ZNF623: variants seen among roughly 807,000 people sequenced by gnomAD.
ZNF623 encodes zinc finger protein 623.
Under a neutral mutation model 24.0 loss-of-function variants are expected in ZNF623, and 16 were observed. The ratio of observed to expected loss-of-function variants is 0.67; its 90% CI spans 0.45 to 1.01. The LOEUF is 1.01. ZNF623 is among the 50% of genes least tolerant of loss of function. The pLI, the probability that ZNF623 is intolerant of heterozygous loss-of-function variation, is 0.00. For missense variants in ZNF623, 566 were observed against 606.5 expected, an observed-to-expected ratio of 0.93 and a Z score of 0.70; for synonymous variants, 224 against 219.8, an observed-to-expected ratio of 1.02 and a Z score of -0.17.
At chr8:143,645,244 C>T (rs1241639536) in intron 1 of ZNF623, among the ~76,000 whole-genome samples, 2 of 152,124 alleles carry the variant, frequency 1.3e-5, no homozygotes, top group East Asian at 1.9e-4. Flanking sequence ...GAGATCGAGA[C>T]CATCCTGGCT....
At chr8:143,649,563 GTTT>G (rs1815246474) in intron 1 of ZNF623, 6 of 367,344 alleles carry the variant, frequency 1.6e-5, no homozygotes, top group Non-Finnish European at 3.0e-5. Flanking sequence ...TTATACGTTT[GTTT>G]AAAGTATCTG....
chr8:143,649,328 A>G (rs1469918651), intron 1 of ZNF623, among the ~76,000 whole-genome samples: 1 of 151,980 alleles, frequency 6.6e-6, no homozygotes, highest in Admixed American at 6.6e-5. Flanking sequence ...TGCAGGCACA[A>G]ATCAAAACAC....
rs1463758300 is a variant in ZNF623, at chr8:143,652,001, G to C, written c.*518G>C. 1.2e-5 allele frequency: 2 copies of C among 168,228 alleles called. No homozygotes were observed. Among genetic ancestry groups the C allele is most frequent in the East Asian group, 3.8e-4 (2 of 5,200 alleles). The allele number at this position is 168,228 out of a possible 1,614,324, so 10.4% of individuals were successfully genotyped here. ...CCTGGAGCCCTGCCTCCCACTGCCT[G>C]ACTTCCTGCCACACGGTTAATGCTG... On this transcript the variant is annotated 3_prime_UTR_variant, in exon 2 of 2. Coordinates refer to ENST00000526926, the MANE Select transcript of ZNF623 (RefSeq NM_001261843.2).
intron 1 of ZNF623, among the ~76,000 whole-genome samples, chr8:143,642,106 C>G (rs1352237153): frequency 6.6e-6 from 1 of 152,194 alleles, no homozygotes; most frequent in Non-Finnish European, 1.5e-5. Flanking sequence ...CACTGAAAAT[C>G]TTTTTAGAGT....
chr8:143,646,761 C>T (rs555128784), intron 1 of ZNF623, among the ~76,000 whole-genome samples: 1 of 151,962 alleles, frequency 6.6e-6, no homozygotes, highest in Non-Finnish European at 1.5e-5. Context: ...ACTTCCTGGG[C>T]TCAAGTGATT....
chr8:143,650,696 G>A lies in ZNF623; in HGVS notation c.704G>A (p.Ser235Asn). The A allele has an allele frequency of 1.9e-6, 3 of 1,613,634 alleles. No individual in the cohort carries two copies. The highest frequency in any genetic ancestry group is 2.5e-6 in the Non-Finnish European group (3 of 1,179,922). Residue 235 changes from serine (S) to asparagine (N), a missense_variant, in exon 2 of 2, where the codon AGC becomes AAC. Physicochemically the swap from Ser to Asn is conservative, Grantham distance 46. Around this residue, in one of 3 missense-constraint regions of ZNF623, gnomAD observed 313 missense variants for 300.4 expected, o/e 1.04. Coordinates refer to ENST00000526926, the MANE Select transcript of ZNF623 (RefSeq NM_001261843.2). The surrounding 1 kb of genome is among the most constrained non-coding windows in gnomAD (Gnocchi z 5.2). Reference sequence around the variant, plus strand: ...GAATGTGGGAAATCCTTCATAAGGAGCTCGAGCCTCATTCGCCATTATCAG... The same window carrying A: ...GAATGTGGGAAATCCTTCATAAGGAACTCGAGCCTCATTCGCCATTATCAG... ...CNECGKSFIRSSSLIRHYQIH... is the reference protein window; with the variant it reads ...CNECGKSFIRNSSLIRHYQIH...
At chr8:143,637,630 C>T (rs547326380) in intron 1 of ZNF623, among the ~76,000 whole-genome samples, 5 of 152,186 alleles carry the variant, frequency 3.3e-5, no homozygotes, top group African/African-American at 1.2e-4. Flanking sequence ...GCTCACTGCA[C>T]CCCCTGCCTC....
At chr8:143,645,234 G>A (rs1815147479) in intron 1 of ZNF623, among the ~76,000 whole-genome samples, 1 of 152,138 alleles carries the variant, frequency 6.6e-6, no homozygotes, top group African/African-American at 2.4e-5. Context: ...ACAAGGTCAG[G>A]AGATCGAGAC....
chr8:143,651,595 CT>C lies in ZNF623; in HGVS notation c.*116del. 1.6e-6 allele frequency: 2 copies of C among 1,285,298 alleles called. No individual in the cohort carries two copies. The highest frequency in any genetic ancestry group is 4.8e-5 in the East Asian group (2 of 41,518). 79.6% of individuals were successfully genotyped at this position (1,285,298 alleles called of 1,614,324 possible). On this transcript the variant is annotated 3_prime_UTR_variant, in exon 2 of 2. Transcript: ENST00000526926. ...ATTTTGTGAGTCATGGATGGGGCTG[CT>C]TTTGCAGTGGGTGCCACCTGCCACT...
At chr8:143,643,588 T>G (rs12679471) in intron 1 of ZNF623, among the ~76,000 whole-genome samples, 64,644 of 152,046 alleles carry the variant, frequency 0.43, 14,661 homozygotes, top group East Asian at 0.8. Flanking sequence ...CCGGGTCCAG[T>G]CAGCTTTTCC....
intron 1 of ZNF623, among the ~76,000 whole-genome samples, chr8:143,642,175 A>G (rs1385346674): frequency 6.6e-6 from 1 of 152,224 alleles, no homozygotes; most frequent in Non-Finnish European, 1.5e-5. Flanking sequence ...TTTCTCCCGT[A>G]AAGCTTGCAG....
chr8:143,646,538 GGTGTGTGCGTGTGTGT>G (rs1460498865), intron 1 of ZNF623, among the ~76,000 whole-genome samples: 4 of 122,918 alleles, frequency 3.3e-5, no homozygotes, highest in African/African-American at 1.5e-4. Context: ...TTGCCTGTGG[GGTGTGTGCGTGTGTGT>G]GTGTGTGTGT....
chr8:143,649,845 G>T (rs200818603), intron 1 of ZNF623, 53 bp from the exon 2 acceptor site: 1 of 1,570,898 alleles, frequency 6.4e-7, no homozygotes. Flanking sequence ...TGATTCAGGA[G>T]ATCCCCATCT....
intron 1 of ZNF623, among the ~76,000 whole-genome samples, chr8:143,638,714 C>T (rs1002398676): frequency 4.0e-5 from 6 of 151,734 alleles, no homozygotes; most frequent in Admixed American, 3.3e-4. Flanking sequence ...GAAATTGTGT[C>T]ACTGCACTCC....
chr8:143,637,389 C>T (rs1193363999), intron 1 of ZNF623, among the ~76,000 whole-genome samples: 1 of 152,164 alleles, frequency 6.6e-6, no homozygotes, highest in Non-Finnish European at 1.5e-5. Context: ...GTGACTCTGG[C>T]TGGGAGCTTG....
chr8:143,637,385 C>T (rs1332100570), intron 1 of ZNF623, among the ~76,000 whole-genome samples: 1 of 152,138 alleles, frequency 6.6e-6, no homozygotes, highest in Non-Finnish European at 1.5e-5. Flanking sequence ...CACAGTGACT[C>T]TGGCTGGGAG....
rs1164346097 is a variant in ZNF623 at position 143,653,324 on chromosome 8, C to T, written c.*1841C>T. Reference sequence around the variant, plus strand: ...TAAATACTACCAACCCTGAACGTCTCAGGACAAATAATTCAAAAAAGAGAT... The same window carrying T: ...TAAATACTACCAACCCTGAACGTCTTAGGACAAATAATTCAAAAAAGAGAT... On this transcript the variant is annotated 3_prime_UTR_variant, in exon 2 of 2. Transcript: ENST00000526926. 1 of 165,424 alleles carries T rather than the reference C, an allele frequency of 6.0e-6. No individual in the cohort carries two copies. The highest frequency in any genetic ancestry group is 2.5e-5 in the African/African-American group (1 of 40,788). 10.2% of individuals were successfully genotyped at this position (165,424 alleles called of 1,614,324 possible). A position where few individuals can be genotyped will look rare whatever the true frequency, so the allele number is the denominator to read the frequency against.
chr8:143,643,410 T>A (rs1815103426), intron 1 of ZNF623, among the ~76,000 whole-genome samples: 2 of 152,232 alleles, frequency 1.3e-5, no homozygotes, highest in Admixed American at 1.3e-4. Context: ...TTGTGTAAAT[T>A]GTTTTTGGAG....
At chr8:143,638,754 C>CA (rs1481317498) in intron 1 of ZNF623, among the ~76,000 whole-genome samples, 7 of 149,894 alleles carry the variant, frequency 4.7e-5, no homozygotes, top group African/African-American at 9.9e-5. Context: ...GACTCTGTCT[C>CA]AAAAAATATA....
Sources: allele counts gnomAD v4.1 joint callset (sites outside exome capture counted in the v4.1 genomes callset), GRCh38; gene constraint gnomAD v4.1.1; regional missense constraint gnomAD v4.1.1; non-coding constraint Gnocchi (gnomAD v3.1); transcripts MANE v1.5; gene names NCBI Gene and HGNC (gene_info 2026-07-23, HGNC 2026-07-21).